The following MAPRE2 variants were observed in gnomAD, a reference collection of about 807,000 sequenced individuals.
The protein encoded by MAPRE2 is microtubule-associated protein RP/EB family member 2.
In MAPRE2, 13 loss-of-function variants were observed where a neutral mutation model predicts 43.2. That is an observed-to-expected ratio of 0.30 (90% CI 0.20 to 0.48). The LOEUF (loss-of-function observed/expected upper bound fraction) is 0.48. MAPRE2 is among the 20% of genes least tolerant of loss of function. MAPRE2 has a pLI of 0.99. For missense variants in MAPRE2, 161 were observed against 400.2 expected (o/e 0.40, Z 5.10); for synonymous variants, 135 against 148.8 (o/e 0.91, Z 0.68).
At chr18:35,038,652 G>C (rs753190150), upstream of MAPRE2, among the ~76,000 whole-genome samples, 17 of 152,080 alleles carry the variant, frequency 1.1e-4, no homozygotes, top group Non-Finnish European at 2.9e-5. Context: ...TGAATTTTCT[G>C]TACTTTTCCT....
chr18:35,058,497 A>G (rs1173756864), intron 1 of MAPRE2, among the ~76,000 whole-genome samples: 1 of 152,224 alleles, frequency 6.6e-6, no homozygotes, highest in Non-Finnish European at 1.5e-5. Context: ...TATAAGCAGT[A>G]TAATGTACAT....
chr18:35,083,945 A>G (rs1907755869), intron 2 of MAPRE2, among the ~76,000 whole-genome samples: 1 of 151,702 alleles, frequency 6.6e-6, no homozygotes, highest in Non-Finnish European at 1.5e-5. Flanking sequence ...TTATTCTTCC[A>G]TGATGTTTCT....
chr18:35,099,432 T>A (rs913983642), intron 3 of MAPRE2, among the ~76,000 whole-genome samples: 1 of 152,112 alleles, frequency 6.6e-6, no homozygotes. Context: ...CTGGTCAACA[T>A]TGTGAGACCC....
intron 2 of MAPRE2, among the ~76,000 whole-genome samples, chr18:35,027,461 C>A (rs1202390403): frequency 1.3e-5 from 2 of 152,084 alleles, no homozygotes; most frequent in Non-Finnish European, 2.9e-5. Context: ...CCAGCTGAGG[C>A]CCCAATTAAA....
At chr18:35,037,933 C>A (rs924484287), upstream of MAPRE2, among the ~76,000 whole-genome samples, 3 of 152,164 alleles carry the variant, frequency 2.0e-5, no homozygotes, top group African/African-American at 4.8e-5. Context: ...GCCTCCTGGT[C>A]TCATGCTGGT....
intron 6 of MAPRE2, among the ~76,000 whole-genome samples, chr18:35,133,749 C>T (rs1910266727): frequency 6.6e-6 from 1 of 152,162 alleles, no homozygotes; most frequent in Non-Finnish European, 1.5e-5. Flanking sequence ...CAGTGAACTC[C>T]AAATGAAGTG....
chr18:35,065,647 G>A (rs1906800053), intron 1 of MAPRE2, among the ~76,000 whole-genome samples: 5 of 151,988 alleles, frequency 3.3e-5, no homozygotes, highest in Admixed American at 2.6e-4. Flanking sequence ...TCTGCCTACC[G>A]GGTTCAAGCG....
chr18:35,071,751 C>G (rs965607555), intron 2 of MAPRE2, among the ~76,000 whole-genome samples: 3 of 152,210 alleles, frequency 2.0e-5, no homozygotes, highest in Admixed American at 2.0e-4. Context: ...CTCCCTTCAC[C>G]AGGTCTGGAC....
intron 3 of MAPRE2, among the ~76,000 whole-genome samples, chr18:35,100,805 C>T (rs1317606024): frequency 2.0e-5 from 3 of 152,096 alleles, no homozygotes; most frequent in African/African-American, 4.8e-5. Flanking sequence ...CTTTGGGAGG[C>T]CGAGGCGGGT....
chr18:35,121,872 A>G (rs888579571), intron 4 of MAPRE2, among the ~76,000 whole-genome samples: 11 of 152,160 alleles, frequency 7.2e-5, no homozygotes, highest in Admixed American at 5.2e-4. Context: ...ACGAGATTGG[A>G]ATACAGATGG....
At chr18:35,059,787 T>C (rs1354495491) in intron 1 of MAPRE2, among the ~76,000 whole-genome samples, 3 of 152,170 alleles carry the variant, frequency 2.0e-5, no homozygotes, top group African/African-American at 4.8e-5. Flanking sequence ...CAAGCTGCTC[T>C]TCCGTGGCAT....
At chr18:34,980,238 C>G (rs760689108) in intron 1 of MAPRE2, among the ~76,000 whole-genome samples, 2 of 151,598 alleles carry the variant, frequency 1.3e-5, no homozygotes, top group African/African-American at 4.8e-5. Flanking sequence ...TTGGCCAGGC[C>G]GGTCTTGAAC....
chr18:35,093,722 A>C (rs1196417861), intron 2 of MAPRE2, among the ~76,000 whole-genome samples: 1 of 152,198 alleles, frequency 6.6e-6, no homozygotes, highest in African/African-American at 2.4e-5. Flanking sequence ...AGTTGATCTC[A>C]TAGAAATAGA....
At chr18:35,082,534 C>G (rs1568996874) in intron 2 of MAPRE2, among the ~76,000 whole-genome samples, 2 of 152,022 alleles carry the variant, frequency 1.3e-5, no homozygotes, top group African/African-American at 4.8e-5. Context: ...CTTATATGCC[C>G]TGATTCCTTG....
At chr18:35,101,366 T>C (rs1908670968) in intron 3 of MAPRE2, among the ~76,000 whole-genome samples, 1 of 152,192 alleles carries the variant, frequency 6.6e-6, no homozygotes, top group Non-Finnish European at 1.5e-5. Context: ...GAATCAGTTA[T>C]CCATTCCCTC....
intron 2 of MAPRE2, among the ~76,000 whole-genome samples, chr18:35,090,577 C>T (rs619799): frequency 0.098 from 14,851 of 151,678 alleles, 846 homozygotes; most frequent in South Asian, 0.15. Context: ...ACTAAAAATA[C>T]AAAAATGAGC....
rs891798422 is a variant in MAPRE2 at position 35,140,436 on chromosome 18, G to A, written c.*67G>A. ...CGTTTCTTCTGGAGAATTGGAACAT[G>A]TGTGGCCCCAAGCTCAACAGAAACC... is the stretch of plus-strand genomic sequence containing the variant. On this transcript the variant is annotated 3_prime_UTR_variant, in exon 7 of 7. Transcript: ENST00000300249. 3.5e-6 allele frequency: 5 copies of A among 1,445,310 alleles called. No individual in the cohort carries two copies. Among genetic ancestry groups the A allele is most frequent in the Admixed American group, 4.0e-5 (2 of 50,352 alleles). The allele number at this position is 1,445,310 out of a possible 1,614,324, so 89.5% of individuals were successfully genotyped here. A position where few individuals can be genotyped will look rare whatever the true frequency, so the allele number is the denominator to read the frequency against.
chr18:34,980,936 A>G (rs927087174), intron 1 of MAPRE2, among the ~76,000 whole-genome samples: 2 of 152,204 alleles, frequency 1.3e-5, no homozygotes, highest in African/African-American at 2.4e-5. Context: ...AAAAGTAAGA[A>G]GTTGGATGTA....
rs1400787044 is a variant in MAPRE2, at chr18:35,082,143, A to C, written c.250+11821A>C. 2 of 113,194 alleles carry C rather than the reference A, an allele frequency of 1.8e-5. 1 individual carries two copies. Among genetic ancestry groups the C allele is most frequent in the African/African-American group, 1.2e-4 (2 of 17,228 alleles). 7.0% of individuals were successfully genotyped at this position (113,194 alleles called of 1,614,324 possible). ...GTCTCTACTAAAAATACAAAAAATT[A>C]GCCGGGCGTAGTGGCGGGCGCCTGT... On this transcript the variant is annotated intron_variant, in intron 2 of 6. Transcript: ENST00000300249.
Sources: gnomAD v4.1 joint callset for allele counts (sites outside exome capture counted in the v4.1 genomes callset) on GRCh38, gnomAD v4.1.1 for gene constraint, MANE v1.5 for transcripts, NCBI Gene and HGNC (gene_info 2026-07-23, HGNC 2026-07-21) for gene names.